The following ATP8A1 variants were observed in gnomAD, a reference collection of about 807,000 sequenced individuals.
The protein encoded by ATP8A1 is phospholipid-transporting ATPase IA.
In ATP8A1, 90 loss-of-function variants were observed where a neutral mutation model predicts 177.7. The ratio of observed to expected loss-of-function variants is 0.51; its 90% confidence interval spans 0.43 to 0.60. The LOEUF (loss-of-function observed/expected upper bound fraction) is 0.60. Ranked by LOEUF, ATP8A1 falls within the 20% of genes least tolerant of loss-of-function variation. The pLI is 0.00. For synonymous variants in ATP8A1, 493 were observed against 485.9 expected (o/e 1.01, Z -0.19); for missense variants, 1,072 against 1,392.8 (o/e 0.77, Z 3.67).
chr4:42,594,375 T>C, intron 6 of ATP8A1: 1 of 1,442,392 alleles, frequency 6.9e-7, no homozygotes, highest in Non-Finnish European at 9.8e-7. Context: ...GAAAGAAAAC[T>C]GGGAATTGGT....
intron 6 of ATP8A1, among the ~76,000 whole-genome samples, chr4:42,596,903 C>CAA (rs1560501395): frequency 6.6e-6 from 1 of 152,104 alleles, no homozygotes; most frequent in East Asian, 1.9e-4. Context: ...TAATCTGTGG[C>CAA]AAGAGCAATG....
rs1719570943 is a variant in ATP8A1, at chr4:42,464,927, T to C, written c.2474A>G (p.Gln825Arg). Residue 825 changes from glutamine (Q) to arginine (R), a missense_variant, in exon 26 of 37, where the codon CAG (glutamine) becomes CGG (arginine). By Grantham distance (43) the Gln-to-Arg change is conservative. This residue lies in a region of ATP8A1 where 316 missense variants were observed against 459.1 expected (regional missense o/e 0.69). Coordinates refer to ENST00000381668, the MANE Select transcript of ATP8A1 (RefSeq NM_006095.2). ...GVGISGNEGL[Q>R]AANSSDYSIA... ...GGAGTAGTCAGAGGAATTAGCTGCCTGCAGGCCTTCATTGCCACTGATACC... is the reference window on the plus strand; with the variant it reads ...GGAGTAGTCAGAGGAATTAGCTGCCCGCAGGCCTTCATTGCCACTGATACC... 6.2e-7 allele frequency: 1 copy of C among 1,614,112 alleles called. No individual in the cohort carries two copies. Among genetic ancestry groups the C allele is most frequent in the Admixed American group, 1.7e-5 (1 of 60,010 alleles).
chr4:42,412,817 C>G lies in ATP8A1; in HGVS notation c.*99G>C. On this transcript the variant is annotated 3_prime_UTR_variant, in exon 37 of 37. Coordinates refer to ENST00000381668, the MANE Select transcript of ATP8A1 (RefSeq NM_006095.2). ...CGAGATGAGCTCAGATCTACCTTTC[C>G]TCTTCATGGACCAGACTGGAATTGG... The G allele has an allele frequency of 1.1e-6, 1 of 947,108 alleles. No individual in the cohort carries two copies. Among genetic ancestry groups the G allele is most frequent in the Non-Finnish European group, 1.6e-6 (1 of 607,212 alleles). The allele number at this position is 947,108 out of a possible 1,614,324, so 58.7% of individuals were successfully genotyped here. A position where few individuals can be genotyped will look rare whatever the true frequency, so the allele number is the denominator to read the frequency against.
In ATP8A1 at chr4:42,602,952, A is replaced by G. The variant is rs1735444445; in HGVS notation, c.410-2434T>C. ...CAGAGTGAGTGGGCTATAAGTTTGC[A>G]TTAATTTAGGAAAAACTGGTCAATA... is the stretch of plus-strand genomic sequence containing the variant. On this transcript the variant is annotated intron_variant, in intron 5 of 36. Coordinates refer to ENST00000381668, the MANE Select transcript of ATP8A1 (RefSeq NM_006095.2). Among the ~76,000 whole-genome samples the G allele has an allele frequency of 1.3e-5, 2 of 152,250 alleles. 1 individual carries two copies. Among genetic ancestry groups the G allele is most frequent in the Admixed American group, 1.3e-4 (2 of 15,300 alleles).
chr4:42,507,408 C>T (rs1724483685), intron 22 of ATP8A1, among the ~76,000 whole-genome samples: 1 of 152,046 alleles, frequency 6.6e-6, no homozygotes, highest in Admixed American at 6.6e-5. Context: ...AATAAATTTG[C>T]ATAGAAGGGG....
At chr4:42,562,056 T>C (rs1165574215) in intron 15 of ATP8A1, 1 of 152,230 alleles carries the variant, frequency 6.6e-6, no homozygotes, top group Non-Finnish European at 1.5e-5. Context: ...GATCCAATAG[T>C]AGAGGCTCAG....
intron 1 of ATP8A1, among the ~76,000 whole-genome samples, chr4:42,651,230 T>G (rs1741062417): frequency 6.6e-6 from 1 of 152,204 alleles, no homozygotes; most frequent in Non-Finnish European, 1.5e-5. Flanking sequence ...CCAGTCTCGG[T>G]ACGTCTTCAT....
intron 12 of ATP8A1, among the ~76,000 whole-genome samples, chr4:42,576,644 T>C (rs1732492602): frequency 1.3e-5 from 2 of 152,126 alleles, no homozygotes; most frequent in African/African-American, 4.8e-5. Flanking sequence ...CAAATTTTCA[T>C]GTCAAATGAA....
chr4:42,607,407 T>C (rs1293294988), intron 5 of ATP8A1, among the ~76,000 whole-genome samples: 1 of 152,232 alleles, frequency 6.6e-6, no homozygotes, highest in Non-Finnish European at 1.5e-5. Context: ...TGTTATCTTT[T>C]AGAACTGGTT....
chr4:42,623,929 AAACATTGGTTTCCTCAAGTAAGACAGTT>A (rs1252214339), intron 4 of ATP8A1, among the ~76,000 whole-genome samples: 2 of 152,132 alleles, frequency 1.3e-5, no homozygotes, highest in African/African-American at 4.8e-5. Context: ...AACCAAAACA[AAACATTGGTTTCCTCAAGTAAGACAGTT>A]AAAATAGATA....
chr4:42,608,363 A>ATTTTT lies in ATP8A1; in HGVS notation c.409+7665_409+7669dup, dbSNP rs748536968. Among the ~76,000 whole-genome samples, 131 of 138,654 alleles carry ATTTTT rather than the reference A, an allele frequency of 9.4e-4. 8 individuals carry two copies. The highest frequency in any genetic ancestry group is 3.7e-3 in the Middle Eastern group (1 of 268). The allele number at this position is 138,654 out of a possible 152,430, so 91.0% of individuals were successfully genotyped here. On this transcript the variant is annotated intron_variant, in intron 5 of 36. Transcript: ENST00000381668. Reference sequence around the variant, plus strand: ...GGTGCCCTCCCCGGGCAATAATATCATTTTTTTTTTTTTGGAGACAGAGTC... The same window carrying ATTTTT: ...GGTGCCCTCCCCGGGCAATAATATCATTTTTTTTTTTTTTTTTTGGAGACAGAGTC...
chr4:42,507,502 C>A (rs531374363), intron 22 of ATP8A1, among the ~76,000 whole-genome samples: 1 of 151,774 alleles, frequency 6.6e-6, no homozygotes, highest in Non-Finnish European at 1.5e-5. Flanking sequence ...CCAAGGCTGG[C>A]GGATCACTTA....
chr4:42,554,821 G>A (rs900319804), intron 16 of ATP8A1, among the ~76,000 whole-genome samples: 2 of 152,158 alleles, frequency 1.3e-5, no homozygotes, highest in African/African-American at 4.8e-5. Flanking sequence ...TAACATTTGA[G>A]TAAGTGGGAT....
At chr4:42,607,727 G>C (rs1440988545) in intron 5 of ATP8A1, among the ~76,000 whole-genome samples, 1 of 151,500 alleles carries the variant, frequency 6.6e-6, no homozygotes, top group African/African-American at 2.4e-5. Flanking sequence ...CATTTAGAAT[G>C]TGTTCAAGAA....
intron 25 of ATP8A1, among the ~76,000 whole-genome samples, chr4:42,466,380 T>C (rs1719768971): frequency 1.3e-5 from 2 of 152,334 alleles, no homozygotes; most frequent in Middle Eastern, 3.4e-3. Flanking sequence ...GATACAACTT[T>C]GTCCATTTTC....
At chr4:42,460,325 T>C (rs1479624021) in intron 27 of ATP8A1, among the ~76,000 whole-genome samples, 1 of 151,930 alleles carries the variant, frequency 6.6e-6, no homozygotes, top group East Asian at 1.9e-4. Flanking sequence ...GTTTATACTG[T>C]TACTTCTCAG....
At position 42,424,867 on chromosome 4, in the gene ATP8A1, C is replaced by T. The variant is rs184863933; in HGVS notation, c.3124-1162G>A. On this transcript the variant is annotated intron_variant, in intron 33 of 36. Coordinates refer to ENST00000381668, the MANE Select transcript of ATP8A1 (RefSeq NM_006095.2). ...CTTTTAAAATAAAAACATGCTATTA[C>T]AAAAAATTCCAGAAAATAAGTTTTG... Among the ~76,000 whole-genome samples the T allele has an allele frequency of 8.5e-5, 13 of 152,220 alleles. No homozygotes were observed. The East Asian group carries it at 2.3e-3, about 27-fold the overall frequency.
intron 8 of ATP8A1, among the ~76,000 whole-genome samples, chr4:42,587,310 CTTTTT>C (rs991848308): frequency 1.7e-4 from 23 of 137,434 alleles, no homozygotes; most frequent in Admixed American, 1.3e-3. Flanking sequence ...CTTTTCTTTT[CTTTTT>C]TTTTTTTTTT....
At chr4:42,566,437 G>T (rs774384351) in intron 15 of ATP8A1, among the ~76,000 whole-genome samples, 13 of 152,148 alleles carry the variant, frequency 8.5e-5, no homozygotes, top group Admixed American at 3.3e-4. Flanking sequence ...TGGAGCACAG[G>T]ATTCAACTGG....
Sources: allele counts gnomAD v4.1 joint callset (sites outside exome capture counted in the v4.1 genomes callset), GRCh38; gene constraint gnomAD v4.1.1; regional missense constraint gnomAD v4.1.1; transcripts MANE v1.5; gene names NCBI Gene and HGNC (gene_info 2026-07-23, HGNC 2026-07-21).